ST8SIA4: variants seen among roughly 807,000 people sequenced by gnomAD.
ST8SIA4 encodes ST8 alpha-N-acetyl-neuraminide alpha-2,8-sialyltransferase 4.
In ST8SIA4, 15 loss-of-function variants were observed where a neutral mutation model predicts 33.9. The observed-to-expected ratio is 0.44, with a 90% CI of 0.30 to 0.68. The LOEUF (loss-of-function observed/expected upper bound fraction) is 0.68. Among genes scored for constraint, ST8SIA4 ranks in the 30% least tolerant of loss-of-function variants. The pLI, the probability that ST8SIA4 is intolerant of heterozygous loss-of-function variation, is 0.10. For synonymous variants in ST8SIA4, 171 were observed against 151.2 expected, an observed-to-expected ratio of 1.13 and a Z score of -0.96; for missense variants, 321 against 428.0, an observed-to-expected ratio of 0.75 and a Z score of 2.21.
chr5:100,878,850 A>AT (rs928028769), intron 3 of ST8SIA4, among the ~76,000 whole-genome samples: 10 of 152,216 alleles, frequency 6.6e-5, no homozygotes, highest in South Asian at 2.1e-4. Context: ...AGAAAATCTG[A>AT]TTTTTTGTGG....
At chr5:100,886,721 C>A in intron 2 of ST8SIA4, 121 bp from the exon 3 acceptor site, 1 of 779,654 alleles carries the variant, frequency 1.3e-6, no homozygotes, top group Non-Finnish European at 2.1e-6. Context: ...CTTAGATTAC[C>A]AAATTGGTAA....
At chr5:100,864,083 TA>T (rs1375475984) in intron 3 of ST8SIA4, among the ~76,000 whole-genome samples, 3 of 152,100 alleles carry the variant, frequency 2.0e-5, no homozygotes, top group Non-Finnish European at 4.4e-5. Flanking sequence ...GGATAAAAAA[TA>T]GAGCATATTG....
At chr5:100,876,594 G>A (rs190195205) in intron 3 of ST8SIA4, among the ~76,000 whole-genome samples, 4 of 151,920 alleles carry the variant, frequency 2.6e-5, no homozygotes, top group African/African-American at 2.4e-5. Flanking sequence ...TTTGAAACAT[G>A]GTATTTGCTA....
intron 4 of ST8SIA4, among the ~76,000 whole-genome samples, chr5:100,825,686 C>A (rs780340981): frequency 8.5e-5 from 13 of 152,138 alleles, no homozygotes; most frequent in Non-Finnish European, 1.5e-4. Context: ...TTAGGTCTGG[C>A]CACTGGCTAT....
chr5:100,824,625 T>A (rs549858990), intron 4 of ST8SIA4, among the ~76,000 whole-genome samples: 3 of 152,014 alleles, frequency 2.0e-5, no homozygotes, highest in Non-Finnish European at 4.4e-5. Flanking sequence ...CTGTTATATA[T>A]CTCTAAGGAA....
intron 4 of ST8SIA4, among the ~76,000 whole-genome samples, chr5:100,829,976 A>G (rs1315695313): frequency 1.3e-5 from 2 of 152,088 alleles, no homozygotes; most frequent in Non-Finnish European, 2.9e-5. Context: ...AGGAAAAATG[A>G]TCTTTCCAAA....
At chr5:100,884,937 C>T (rs556789957) in intron 3 of ST8SIA4, among the ~76,000 whole-genome samples, 10 of 152,112 alleles carry the variant, frequency 6.6e-5, no homozygotes, top group Non-Finnish European at 1.5e-4. Context: ...CCAGTATTAT[C>T]ACCTTTTAAA....
intron 4 of ST8SIA4, among the ~76,000 whole-genome samples, chr5:100,820,152 TG>T (rs1418804983): frequency 3.9e-5 from 6 of 152,192 alleles, no homozygotes; most frequent in Admixed American, 2.6e-4. Flanking sequence ...GATCTTAATA[TG>T]GTTTCACTAT....
In ST8SIA4 at chr5:100,895,746, G is replaced by A; in HGVS notation, c.153C>T (p.Ser51=). ...ELSLSRSLVN[S]SDKIIRKAGS... ...CAGCCTTTCGAATGATTTTATCAGA[G>A]CTATTGACAAGTGACCGACTCAAAG... is the stretch of plus-strand genomic sequence containing the variant. The change falls in exon 2 of 5, where the codon AGC becomes AGT. Residue 51 remains serine (S), a synonymous_variant. Transcript: ENST00000231461. The A allele has an allele frequency of 6.2e-7, 1 of 1,612,780 alleles. No homozygotes were observed. The highest frequency in any genetic ancestry group is 8.5e-7 in the Non-Finnish European group (1 of 1,179,124).
At chr5:100,849,089 A>AT (rs1751630214) in intron 4 of ST8SIA4, 1 of 905,282 alleles carries the variant, frequency 1.1e-6, no homozygotes, top group African/African-American at 1.8e-5. Context: ...TATTATCATA[A>AT]TTACCAAAAA....
Position 100,811,076 on chromosome 5 carries a change from C to T in ST8SIA4, c.*771G>A. ...CCTGCAGTCCCAGCTACTCCGGAGG[C>T]TGAGGCAGGAGAATGGAGTGAACTT... On this transcript the variant is annotated 3_prime_UTR_variant, in exon 5 of 5. Transcript: ENST00000231461. 6.6e-6 allele frequency: 1 copy of T among 151,272 alleles called. No homozygotes were observed. Among genetic ancestry groups the T allele is most frequent in the Non-Finnish European group, 1.5e-5 (1 of 68,074 alleles). The allele number at this position is 151,272 out of a possible 1,614,324, so 9.4% of individuals were successfully genotyped here.
At chr5:100,831,674 T>A (rs1431834726) in intron 4 of ST8SIA4, among the ~76,000 whole-genome samples, 1 of 152,204 alleles carries the variant, frequency 6.6e-6, no homozygotes, top group East Asian at 1.9e-4. Context: ...AATTCATTTT[T>A]CTTTCATTCT....
chr5:100,812,018 G>A lies in ST8SIA4; in HGVS notation c.909C>T (p.Phe303=), dbSNP rs1278243291. 11 of 1,614,078 alleles carry A rather than the reference G, an allele frequency of 6.8e-6. No homozygotes were observed. The highest frequency in any genetic ancestry group is 3.3e-4 in the Middle Eastern group (2 of 6,062). The change falls in exon 5 of 5, where the codon TTC becomes TTT. Residue 303 remains phenylalanine, a synonymous_variant. Coordinates refer to ENST00000231461, the MANE Select transcript of ST8SIA4 (RefSeq NM_005668.6). ...DEIHLYGFWP[F]PKDLNGKAVK... is the part of the protein sequence containing the mutation. ...CCGCTTTTCCATTTAAATCCTTAGG[G>A]AAGGGCCAGAATCCATACAGGTGAA...
chr5:100,816,341 T>C, intron 4 of ST8SIA4: 1 of 391,800 alleles, frequency 2.6e-6, no homozygotes, highest in South Asian at 2.1e-5. Context: ...TACCTGATTA[T>C]TTCAAGCAAC....
At chr5:100,902,322 A>C in intron 1 of ST8SIA4, among the ~76,000 whole-genome samples, 1 of 152,176 alleles carries the variant, frequency 6.6e-6, no homozygotes, top group East Asian at 1.9e-4. Context: ...GTGGTACTGG[A>C]GTTTCTAATT....
At chr5:100,840,384 T>A (rs9327323) in intron 4 of ST8SIA4, among the ~76,000 whole-genome samples, 1 of 151,420 alleles carries the variant, frequency 6.6e-6, no homozygotes, top group African/African-American at 2.4e-5. Flanking sequence ...ATTTTAGAGT[T>A]TTTTTTTAGG....
At chr5:100,866,944 T>C (rs1001196782) in intron 3 of ST8SIA4, among the ~76,000 whole-genome samples, 1 of 152,130 alleles carries the variant, frequency 6.6e-6, no homozygotes, top group Non-Finnish European at 1.5e-5. Flanking sequence ...ATTGTCAAGA[T>C]AATTTAAATA....
chr5:100,843,845 C>G (rs1751515789), intron 4 of ST8SIA4, among the ~76,000 whole-genome samples: 1 of 151,864 alleles, frequency 6.6e-6, no homozygotes, highest in Admixed American at 6.6e-5. Flanking sequence ...CTTTTAATCT[C>G]AACAACTTAT....
chr5:100,816,870 T>TA (rs1368532698), intron 4 of ST8SIA4, among the ~76,000 whole-genome samples: 9 of 152,050 alleles, frequency 5.9e-5, no homozygotes, highest in African/African-American at 1.9e-4. Flanking sequence ...TGTCAAGGGT[T>TA]AAAAAAATGT....
Sources: allele counts gnomAD v4.1 joint callset (sites outside exome capture counted in the v4.1 genomes callset), GRCh38; gene constraint gnomAD v4.1.1; transcripts MANE v1.5; gene names NCBI Gene and HGNC (gene_info 2026-07-23, HGNC 2026-07-21).